Variants in NVL observed in about 807,000 individuals in gnomAD.
NVL encodes the protein nuclear valosin-containing protein-like.
In NVL, 84 loss-of-function variants were observed where a neutral mutation model predicts 110.2. The observed-to-expected ratio is 0.76, with a 90% CI of 0.64 to 0.91. The LOEUF (loss-of-function observed/expected upper bound fraction) is 0.91, where lower values mean the gene tolerates loss of function less well. Ranked by LOEUF, NVL falls within the 40% of genes least tolerant of loss-of-function variation. The pLI is 0.00. For synonymous variants in NVL, 354 were observed against 361.1 expected, an observed-to-expected ratio of 0.98 and a Z score of 0.22; for missense variants, 882 against 1,035.9, an observed-to-expected ratio of 0.85 and a Z score of 2.04.
intron 22 of NVL, among the ~76,000 whole-genome samples, chr1:224,229,729 T>G (rs1475650189): frequency 6.6e-6 from 1 of 152,190 alleles, no homozygotes; most frequent in Non-Finnish European, 1.5e-5. Flanking sequence ...ATTACAGAAG[T>G]GAGCCACCGC....
intron 19 of NVL, among the ~76,000 whole-genome samples, chr1:224,246,350 T>G (rs931813577): frequency 2.6e-5 from 4 of 152,156 alleles, no homozygotes; most frequent in Non-Finnish European, 5.9e-5. Context: ...ACTTTAAATA[T>G]TCACCCTTTG....
chr1:224,276,871 A>G (rs1474731286), intron 16 of NVL, among the ~76,000 whole-genome samples: 4 of 152,044 alleles, frequency 2.6e-5, no homozygotes, highest in Non-Finnish European at 5.9e-5. Context: ...AATATCAGCA[A>G]TTGTATATGG....
intron 18 of NVL, among the ~76,000 whole-genome samples, chr1:224,251,375 G>C (rs1362420931): frequency 6.6e-6 from 1 of 150,920 alleles, no homozygotes; most frequent in Non-Finnish European, 1.5e-5. Context: ...AAAAGCTTCT[G>C]CTCATCAAAA....
At chr1:224,261,522 T>C (rs1252774208) in intron 18 of NVL, among the ~76,000 whole-genome samples, 1 of 152,150 alleles carries the variant, frequency 6.6e-6, no homozygotes, top group Non-Finnish European at 1.5e-5. Flanking sequence ...GGAGTTGGTA[T>C]GTGAAAAAGA....
intron 4 of NVL, among the ~76,000 whole-genome samples, chr1:224,317,158 A>C (rs1232119973): frequency 1.3e-5 from 2 of 151,926 alleles, no homozygotes; most frequent in African/African-American, 4.8e-5. Context: ...AAAAAAAAAA[A>C]AGTAGAGCTT....
At chr1:224,299,649 C>G (rs1189930285) in intron 10 of NVL, among the ~76,000 whole-genome samples, 2 of 152,150 alleles carry the variant, frequency 1.3e-5, no homozygotes, top group Non-Finnish European at 2.9e-5. Flanking sequence ...CTATGCGTGC[C>G]AATTTAACAA....
At chr1:224,264,680 T>C (rs1664311997) in intron 18 of NVL, among the ~76,000 whole-genome samples, 1 of 152,180 alleles carries the variant, frequency 6.6e-6, no homozygotes, top group Non-Finnish European at 1.5e-5. Flanking sequence ...CGTGATAGTA[T>C]ACAATGGAGC....
intron 2 of NVL, among the ~76,000 whole-genome samples, chr1:224,322,138 C>T (rs750717940): frequency 2.6e-5 from 4 of 152,028 alleles, no homozygotes; most frequent in Admixed American, 6.6e-5. Context: ...TTCAGTGCAG[C>T]GGTGCAATCG....
chr1:224,311,769 T>C, intron 5 of NVL, 31 bp downstream of exon 5: 2 of 1,581,802 alleles, frequency 1.3e-6, no homozygotes, highest in East Asian at 2.2e-5. Flanking sequence ...AAAGAAAAAA[T>C]CTAAGTGGAC....
intron 12 of NVL, among the ~76,000 whole-genome samples, chr1:224,292,753 CT>C (rs977238478): frequency 5.3e-4 from 77 of 145,476 alleles, no homozygotes; most frequent in African/African-American, 5.0e-4. Flanking sequence ...CATTAAATAC[CT>C]TTTTTTTTTT....
intron 18 of NVL, among the ~76,000 whole-genome samples, chr1:224,263,457 T>C (rs1228081066): frequency 6.6e-6 from 1 of 152,236 alleles, no homozygotes; most frequent in African/African-American, 2.4e-5. Context: ...TTTCATCTCC[T>C]TGAACAGACA....
At chr1:224,269,269 C>G (rs897429301) in intron 17 of NVL, among the ~76,000 whole-genome samples, 6 of 151,374 alleles carry the variant, frequency 4.0e-5, no homozygotes, top group African/African-American at 1.5e-4. Context: ...CATATTTTTT[C>G]TAGAGATCCT....
intron 18 of NVL, among the ~76,000 whole-genome samples, chr1:224,251,498 G>A (rs1258480996): frequency 6.6e-6 from 1 of 151,836 alleles, no homozygotes; most frequent in Non-Finnish European, 1.5e-5. Context: ...ACATTAGCTG[G>A]GTGTGGTGGT....
intron 16 of NVL, 39 bp from the exon 17 acceptor site, chr1:224,275,497 C>G: frequency 6.2e-7 from 1 of 1,612,974 alleles, no homozygotes; most frequent in Non-Finnish European, 8.5e-7. Context: ...ACCAACAGTT[C>G]AACTTTGTGG....
At position 224,294,310 on chromosome 1, in the gene NVL, G is replaced by T. The variant is rs754458829; in HGVS notation, c.1282C>A (p.Arg428=). ...TCTGGGATACCTAGGCATATTTCTC[G>T]GTCGAACCTTCCCGCACGTCTCAAA... ...PALRRAGRFD[R]EICLGIPDEA... Residue 428 remains arginine (R), a synonymous_variant, in exon 12 of 23, where the codon CGA becomes AGA. Coordinates refer to ENST00000281701, the MANE Select transcript of NVL (RefSeq NM_002533.4). 6.2e-7 allele frequency: 1 copy of T among 1,614,008 alleles called. No individual in the cohort carries two copies. Among genetic ancestry groups the T allele is most frequent in the South Asian group, 1.1e-5 (1 of 91,070 alleles).
chr1:224,244,985 C>T (rs900582058), intron 19 of NVL, among the ~76,000 whole-genome samples: 7 of 152,088 alleles, frequency 4.6e-5, no homozygotes, highest in African/African-American at 1.7e-4. Flanking sequence ...TGTACCTGGC[C>T]CACTCGCTCT....
intron 2 of NVL, among the ~76,000 whole-genome samples, chr1:224,325,721 G>A (rs999917396): frequency 3.3e-5 from 5 of 152,150 alleles, no homozygotes; most frequent in Non-Finnish European, 5.9e-5. Context: ...CAACAAGAGC[G>A]AAATTCTGTC....
At chr1:224,281,062 G>A (rs183637808) in intron 16 of NVL, 61 bp downstream of exon 16, 15 of 1,415,410 alleles carry the variant, frequency 1.1e-5, no homozygotes, top group Middle Eastern at 1.8e-4. Context: ...ATTTTACCCC[G>A]TAATTTGCAT....
intron 15 of NVL, among the ~76,000 whole-genome samples, chr1:224,281,911 C>G (rs958193719): frequency 6.7e-6 from 1 of 149,056 alleles, no homozygotes; most frequent in African/African-American, 2.5e-5. Flanking sequence ...CAAGATTGTG[C>G]CATAGCACTC....
Sources: allele counts gnomAD v4.1 joint callset (sites outside exome capture counted in the v4.1 genomes callset), GRCh38; gene constraint gnomAD v4.1.1; transcripts MANE v1.5; gene names NCBI Gene and HGNC (gene_info 2026-07-23, HGNC 2026-07-21).